The following SDR42E2 variants were observed in gnomAD, a reference collection of about 807,000 sequenced individuals.
The protein encoded by SDR42E2 is short chain dehydrogenase/reductase family 42E, member 2.
Under a neutral mutation model 10.5 loss-of-function variants are expected in SDR42E2, and 20 were observed. The ratio of observed to expected loss-of-function variants is 1.90; its 90% CI spans 1.34 to 2.77. SDR42E2 has a LOEUF of 2.77. Among genes scored for constraint, SDR42E2 ranks in the 30% most tolerant of loss-of-function variants. The pLI is 0.00. For synonymous variants in SDR42E2, 72 were observed against 39.2 expected (o/e 1.84, Z -3.12); for missense variants, 162 against 104.2 (o/e 1.55, Z -2.42).
At chr16:22,180,233 G>A (rs1171738870) in intron 8 of SDR42E2, among the ~76,000 whole-genome samples, 1 of 152,098 alleles carries the variant, frequency 6.6e-6, no homozygotes, top group Non-Finnish European at 1.5e-5. Context: ...GTTGTACTTA[G>A]AATTTTTAAA....
Position 22,170,873 on chromosome 16 carries a change from C to T in SDR42E2, c.435C>T (p.Ser145=). The T allele has an allele frequency of 1.4e-6, 1 of 703,024 alleles. No homozygotes were observed. Among genetic ancestry groups the T allele is most frequent in the Non-Finnish European group, 2.6e-6 (1 of 385,010 alleles). The allele number at this position is 703,024 out of a possible 1,614,324, so 43.5% of individuals were successfully genotyped here. Residue 145 remains serine (S), a synonymous_variant, in exon 6 of 13, where the codon AGC becomes AGT. Coordinates refer to ENST00000602312, the MANE Select transcript of SDR42E2 (RefSeq NM_001394319.2). ...GGGTTCCAAGGCTCATCTATACCAG[C>T]ACTGTCAATGTTGCATTTGGAGGGA... The part of the protein sequence containing the change: ...RRRVPRLIYT[S]TVNVAFGGKP...
At chr16:22,176,608 T>C (rs57786337) in intron 7 of SDR42E2, among the ~76,000 whole-genome samples, 12,151 of 152,272 alleles carry the variant, frequency 0.08, 820 homozygotes, top group East Asian at 0.31. Flanking sequence ...TTTTAATAAA[T>C]AGTAGAGACT....
chr16:22,163,577 C>T (rs1286940760), intron 1 of SDR42E2, among the ~76,000 whole-genome samples: 5 of 152,056 alleles, frequency 3.3e-5, no homozygotes, highest in African/African-American at 1.2e-4. Flanking sequence ...TGTGGTGGCG[C>T]GTGCCTGTAG....
Position 22,162,553 on chromosome 16 carries a change from A to T in SDR42E2, c.-48A>T, listed in dbSNP as rs2046506809. ...CGCGGGGAGCACGCAGCGCCGCGGG[A>T]GCCCGGGCCAGGTGAGCGAAGCCCG... On this transcript the variant is annotated 5_prime_UTR_variant, in exon 1 of 13. Transcript: ENST00000602312. Among the ~76,000 whole-genome samples the T allele has an allele frequency of 6.6e-6, 1 of 151,902 alleles. No homozygotes were observed. The highest frequency in any genetic ancestry group is 1.5e-5 in the Non-Finnish European group (1 of 67,944).
At chr16:22,185,440 A>G (rs1030703413) in intron 11 of SDR42E2, among the ~76,000 whole-genome samples, 1 of 152,084 alleles carries the variant, frequency 6.6e-6, no homozygotes, top group African/African-American at 2.4e-5. Context: ...CTTGGAGAGG[A>G]TTGTAAAGGC....
At chr16:22,168,317 G>A (rs572275602) in intron 4 of SDR42E2, among the ~76,000 whole-genome samples, 2 of 151,854 alleles carry the variant, frequency 1.3e-5, no homozygotes, top group South Asian at 4.2e-4. Context: ...CAAGGCTGGT[G>A]TGCAGTGATA....
chr16:22,168,861 T>C (rs887229733), intron 4 of SDR42E2, among the ~76,000 whole-genome samples: 1 of 152,026 alleles, frequency 6.6e-6, no homozygotes, highest in Non-Finnish European at 1.5e-5. Flanking sequence ...CAACAAGAGC[T>C]AAACTCGGTC....
chr16:22,181,620 G>A lies in SDR42E2; in HGVS notation c.774G>A (p.Ala258=), dbSNP rs374741063. Residue 258 remains alanine, a synonymous_variant, in exon 9 of 13, where the codon GCG becomes GCA. Transcript: ENST00000602312. ...ATCTGGTGCAGGCACACGTGCTGGC[G>A]GCCGAGGCCCTCACCACGGCCAAGG... The part of the protein sequence containing the change: ...VHNLVQAHVL[A]AEALTTAKGY... 22 of 702,880 alleles carry A rather than the reference G, an allele frequency of 3.1e-5. No homozygotes were observed. The highest frequency in any genetic ancestry group is 5.4e-5 in the East Asian group (2 of 37,304). The allele number at this position is 702,880 out of a possible 1,614,324, so 43.5% of individuals were successfully genotyped here.
intron 11 of SDR42E2, 111 bp downstream of exon 11, chr16:22,184,355 A>G (rs2046720853): frequency 5.2e-6 from 2 of 382,474 alleles, no homozygotes; most frequent in East Asian, 7.4e-5. Context: ...TAATCCTAGC[A>G]CTTTGGGAGG....
At chr16:22,185,795 G>T (rs1250114799) in intron 11 of SDR42E2, among the ~76,000 whole-genome samples, 1 of 152,012 alleles carries the variant, frequency 6.6e-6, no homozygotes, top group Non-Finnish European at 1.5e-5. Context: ...TAGTAGAGAT[G>T]GGGGTCTTGC....
chr16:22,181,494 T>A (rs2046693389), intron 8 of SDR42E2, 25 bp from the exon 9 acceptor site: 3 of 702,802 alleles, frequency 4.3e-6, no homozygotes, highest in Non-Finnish European at 7.8e-6. Flanking sequence ...CACAAGCCTG[T>A]TTATCACCCA....
intron 7 of SDR42E2, among the ~76,000 whole-genome samples, chr16:22,174,059 G>A (rs933561174): frequency 3.3e-5 from 5 of 150,808 alleles, no homozygotes; most frequent in African/African-American, 1.2e-4. Flanking sequence ...CTCACTGGGT[G>A]CGGTGGCTCA....
chr16:22,175,991 A>T (rs1426594228), intron 7 of SDR42E2, among the ~76,000 whole-genome samples: 1 of 137,544 alleles, frequency 7.3e-6, no homozygotes, highest in East Asian at 2.0e-4. Context: ...AGACTCTATT[A>T]AAAAAAAAAA....
intron 4 of SDR42E2, among the ~76,000 whole-genome samples, chr16:22,168,297 G>A (rs561721159): frequency 1.9e-4 from 29 of 151,510 alleles, no homozygotes; most frequent in African/African-American, 3.4e-4. Flanking sequence ...ACGGAGTTTC[G>A]CTCAGTCACC....
intron 4 of SDR42E2, among the ~76,000 whole-genome samples, chr16:22,168,999 A>G (rs759066808): frequency 2.0e-5 from 3 of 152,176 alleles, no homozygotes; most frequent in Non-Finnish European, 2.9e-5. Context: ...AGGAGCCCTC[A>G]CAGCGGCCTA....
chr16:22,166,909 T>C lies in SDR42E2; in HGVS notation c.246T>C (p.Asp82=). ...LSPETKFIQA[D]VRDEEALYRA... ...CTCTTCTTCCTCTGGTGCAGGCTGA[T>C]GTCCGAGATGAAGAAGCCCTGTACC... The change falls in exon 4 of 13, where the codon GAT becomes GAC. Residue 82 remains aspartate, a synonymous_variant. Coordinates refer to ENST00000602312, the MANE Select transcript of SDR42E2 (RefSeq NM_001394319.2). 7.4e-6 allele frequency: 5 copies of C among 672,928 alleles called. No individual in the cohort carries two copies. The highest frequency in any genetic ancestry group is 1.5e-5 in the South Asian group (1 of 65,292). The allele number at this position is 672,928 out of a possible 1,614,324, so 41.7% of individuals were successfully genotyped here.
rs574584549 is a variant in SDR42E2 at position 22,181,582 on chromosome 16, G to A, written c.736G>A (p.Val246Ile). Reference protein sequence around the residue: ...FGDHKARMNWVHVHNLVQAHV... With the variant: ...FGDHKARMNWIHVHNLVQAHV... ...GGACCACAAGGCACGGATGAACTGGGTCCACGTACACAATCTGGTGCAGGC... is the reference window on the plus strand; with the variant it reads ...GGACCACAAGGCACGGATGAACTGGATCCACGTACACAATCTGGTGCAGGC... Residue 246 changes from valine to isoleucine, a missense_variant, in exon 9 of 13, where the codon GTC (valine) becomes ATC (isoleucine). Coordinates refer to ENST00000602312, the MANE Select transcript of SDR42E2 (RefSeq NM_001394319.2). 2 of 702,938 alleles carry A rather than the reference G, an allele frequency of 2.8e-6. No individual in the cohort carries two copies. The highest frequency in any genetic ancestry group is 3.5e-5 in the African/African-American group (2 of 57,262). The allele number at this position is 702,938 out of a possible 1,614,324, so 43.5% of individuals were successfully genotyped here.
intron 10 of SDR42E2, among the ~76,000 whole-genome samples, chr16:22,182,495 C>T (rs907178756): frequency 2.6e-5 from 4 of 151,990 alleles, no homozygotes; most frequent in Non-Finnish European, 5.9e-5. Flanking sequence ...TACAGGCACA[C>T]GCCACCACGC....
In SDR42E2 at chr16:22,190,597, A is replaced by C. The variant is rs1286189095; in HGVS notation, c.*204A>C. The C allele has an allele frequency of 1.8e-5, 7 of 393,246 alleles. No individual in the cohort carries two copies. In the Admixed American group the frequency reaches 3.1e-4, roughly 18 times the overall value. The allele number at this position is 393,246 out of a possible 1,614,324, so 24.4% of individuals were successfully genotyped here. A position where few individuals can be genotyped will look rare whatever the true frequency, so the allele number is the denominator to read the frequency against. On this transcript the variant is annotated 3_prime_UTR_variant, in exon 13 of 13. Coordinates refer to ENST00000602312, the MANE Select transcript of SDR42E2 (RefSeq NM_001394319.2). ...TCTGGCCACGCCCCTATCTACTCCC[A>C]GACCTTGCCTTGCGCCCTTCCTGTG... is the stretch of plus-strand genomic sequence containing the variant.
Sources: allele counts gnomAD v4.1 joint callset (sites outside exome capture counted in the v4.1 genomes callset), GRCh38; gene constraint gnomAD v4.1.1; transcripts MANE v1.5; gene names NCBI Gene and HGNC (gene_info 2026-07-23, HGNC 2026-07-21).